Variants in CAMK2D observed in about 807,000 individuals in gnomAD.
CAMK2D encodes calcium/calmodulin-dependent protein kinase type II subunit delta.
In CAMK2D, 37 loss-of-function variants were observed where a neutral mutation model predicts 84.0. That is an observed-to-expected ratio of 0.44 (90% CI 0.34 to 0.58). The LOEUF (loss-of-function observed/expected upper bound fraction) is 0.58. Ranked by LOEUF, CAMK2D falls within the 20% of genes least tolerant of loss-of-function variation. The pLI is 0.02. For synonymous variants in CAMK2D, 202 were observed against 212.5 expected (o/e 0.95, Z 0.43); for missense variants, 448 against 652.5 (o/e 0.69, Z 3.41).
chr4:113,582,667 C>T (rs1380171103), intron 4 of CAMK2D, among the ~76,000 whole-genome samples: 1 of 152,190 alleles, frequency 6.6e-6, no homozygotes, highest in East Asian at 1.9e-4. Flanking sequence ...AGTATTTTTA[C>T]TCATGGCCTA....
intron 3 of CAMK2D, among the ~76,000 whole-genome samples, chr4:113,632,354 G>T (rs2099093242): frequency 1.3e-5 from 2 of 151,954 alleles, no homozygotes; most frequent in South Asian, 4.2e-4. Context: ...CTCCCAAGTA[G>T]TTGGAATCGC....
At chr4:113,698,526 CATTATT>C (rs2099409537) in intron 2 of CAMK2D, among the ~76,000 whole-genome samples, 1 of 152,048 alleles carries the variant, frequency 6.6e-6, no homozygotes, top group African/African-American at 2.4e-5. Context: ...TAGCTATCCT[CATTATT>C]ATTATCTTAC....
chr4:113,695,577 TCA>T (rs2099400141), intron 2 of CAMK2D, among the ~76,000 whole-genome samples: 1 of 152,028 alleles, frequency 6.6e-6, no homozygotes. Flanking sequence ...ATTCATTCCC[TCA>T]CACCCCATTT....
intron 2 of CAMK2D, among the ~76,000 whole-genome samples, chr4:113,699,986 T>G (rs1474425059): frequency 1.3e-5 from 2 of 152,194 alleles, no homozygotes; most frequent in African/African-American, 4.8e-5. Flanking sequence ...CATCCTACAT[T>G]CCTGCTTGTC....
intron 2 of CAMK2D, among the ~76,000 whole-genome samples, chr4:113,687,548 C>G (rs2099363474): frequency 6.6e-6 from 1 of 152,100 alleles, no homozygotes; most frequent in African/African-American, 2.4e-5. Flanking sequence ...AACTCGAAAT[C>G]AACAAGTCAG....
chr4:113,549,338 C>A lies in CAMK2D; in HGVS notation c.342-1622G>T, dbSNP rs75504836. On this transcript the variant is annotated intron_variant, in intron 5 of 20. Coordinates refer to ENST00000511664, the MANE Select transcript of CAMK2D (RefSeq NM_001321571.2). Reference sequence around the variant, plus strand: ...AAAGTAAACTCATGAATAAAATAAACCCCTCTTTAGTGTAAGAATACTTTG... The same window carrying A: ...AAAGTAAACTCATGAATAAAATAAAACCCTCTTTAGTGTAAGAATACTTTG... Among the ~76,000 whole-genome samples, 3 of 152,152 alleles carry A rather than the reference C, an allele frequency of 2.0e-5. No homozygotes were observed. In the South Asian group the frequency reaches 6.2e-4, roughly 32 times the overall value.
chr4:113,495,831 G>A (rs1165916054), intron 16 of CAMK2D, among the ~76,000 whole-genome samples: 2 of 152,110 alleles, frequency 1.3e-5, no homozygotes, highest in Non-Finnish European at 2.9e-5. Flanking sequence ...TGCAGCAAGA[G>A]ATCCAAGCTC....
At chr4:113,480,204 C>A (rs866458803) in intron 16 of CAMK2D, among the ~76,000 whole-genome samples, 2 of 152,042 alleles carry the variant, frequency 1.3e-5, no homozygotes, top group South Asian at 4.1e-4. Context: ...TTCAGGTAAT[C>A]CGCCCGCCTC....
In CAMK2D at chr4:113,509,673, C is replaced by G; in HGVS notation, c.949G>C (p.Ala317Pro). The change falls in exon 13 of 21, where the codon GCC becomes CCC. Residue 317 changes from alanine (A) to proline (P), a missense_variant and splice_region_variant. Coordinates refer to ENST00000511664, the MANE Select transcript of CAMK2D (RefSeq NM_001321571.2). ...TCTGGTTTCTTCAACAAACTCTTGG[C>G]TGCTGTAAAATGAGAGTAAAATCAG... ...TMLATRNFSA[A>P]KSLLKKPDGV... 6.2e-7 allele frequency: 1 copy of G among 1,607,756 alleles called. No individual in the cohort carries two copies.
chr4:113,583,090 T>C (rs917899059), intron 4 of CAMK2D, among the ~76,000 whole-genome samples: 1 of 152,232 alleles, frequency 6.6e-6, no homozygotes, highest in East Asian at 1.9e-4. Flanking sequence ...CAAGGGCTTC[T>C]AATTTTAAAT....
intron 4 of CAMK2D, among the ~76,000 whole-genome samples, chr4:113,596,981 G>C (rs932494799): frequency 1.3e-5 from 2 of 152,014 alleles, no homozygotes; most frequent in Admixed American, 6.6e-5. Context: ...CACCAGGCTG[G>C]CTAATTTGTT....
At chr4:113,548,053 C>T (rs535147690) in intron 5 of CAMK2D, among the ~76,000 whole-genome samples, 1 of 152,164 alleles carries the variant, frequency 6.6e-6, no homozygotes, top group Admixed American at 6.5e-5. Flanking sequence ...TGTTCCGCCT[C>T]CACCCCGTCA....
At chr4:113,746,713 T>C (rs963537192) in intron 2 of CAMK2D, among the ~76,000 whole-genome samples, 4 of 151,972 alleles carry the variant, frequency 2.6e-5, no homozygotes, top group Admixed American at 2.6e-4. Flanking sequence ...CTATAGGAGG[T>C]AAATAGTCCT....
At chr4:113,460,055 C>G in intron 18 of CAMK2D, 92 bp downstream of exon 18, 3 of 762,980 alleles carry the variant, frequency 3.9e-6, no homozygotes, top group Non-Finnish European at 7.1e-6. Context: ...GGTAAAAACT[C>G]TCATTGTAGA....
intron 4 of CAMK2D, among the ~76,000 whole-genome samples, chr4:113,578,094 T>A (rs2098792312): frequency 6.6e-6 from 1 of 152,172 alleles, no homozygotes; most frequent in African/African-American, 2.4e-5. Context: ...GTCGTTTAAA[T>A]TAGATGCTTT....
chr4:113,498,335 G>A (rs1364673408), intron 16 of CAMK2D, among the ~76,000 whole-genome samples: 5 of 152,020 alleles, frequency 3.3e-5, no homozygotes, highest in Non-Finnish European at 5.9e-5. Context: ...AAATGATGGG[G>A]CCTAGGCAAT....
chr4:113,546,873 G>T (rs1486721263), intron 6 of CAMK2D, among the ~76,000 whole-genome samples: 1 of 152,122 alleles, frequency 6.6e-6, no homozygotes, highest in Non-Finnish European at 1.5e-5. Context: ...TACTCCCCTT[G>T]TGAGCTATTT....
At chr4:113,475,097 A>T (rs2097591124) in intron 16 of CAMK2D, among the ~76,000 whole-genome samples, 1 of 152,194 alleles carries the variant, frequency 6.6e-6, no homozygotes, top group South Asian at 2.1e-4. Context: ...TTAGCTTACA[A>T]TTAATTTAGC....
intron 4 of CAMK2D, among the ~76,000 whole-genome samples, chr4:113,598,947 A>G (rs1482876585): frequency 5.3e-5 from 8 of 152,126 alleles, no homozygotes; most frequent in Non-Finnish European, 2.9e-5. Context: ...GAATATACAA[A>G]TCACCCTCAA....
Sources: gnomAD v4.1 joint callset for allele counts (sites outside exome capture counted in the v4.1 genomes callset) on GRCh38, gnomAD v4.1.1 for gene constraint, MANE v1.5 for transcripts, NCBI Gene and HGNC (gene_info 2026-07-23, HGNC 2026-07-21) for gene names.